WASL: variants seen among roughly 807,000 people sequenced by gnomAD.
WASL encodes WASP like actin nucleation promoting factor, also known as actin nucleation-promoting factor WASL.
WASL carries 20 observed loss-of-function variants against 55.5 expected under a neutral mutation model. The ratio of observed to expected loss-of-function variants is 0.36; its 90% CI spans 0.25 to 0.52. The LOEUF is 0.52. WASL is among the 20% of genes least tolerant of loss of function. The probability of loss-of-function intolerance (pLI) is 0.92; values close to 1 mark genes in which losing one functional copy is unlikely to be tolerated. For synonymous variants in WASL, 249 were observed against 217.6 expected, an observed-to-expected ratio of 1.14 and a Z score of -1.27; for missense variants, 504 against 622.5, an observed-to-expected ratio of 0.81 and a Z score of 2.03.
At chr7:123,699,329 G>T (rs894220094) in intron 5 of WASL, among the ~76,000 whole-genome samples, 1 of 152,124 alleles carries the variant, frequency 6.6e-6, no homozygotes, top group Non-Finnish European at 1.5e-5. Flanking sequence ...AGTGGGCTGA[G>T]ATTGCGCCAC....
chr7:123,719,600 C>A (rs1343169361), intron 1 of WASL, among the ~76,000 whole-genome samples: 1 of 152,184 alleles, frequency 6.6e-6, no homozygotes, highest in East Asian at 1.9e-4. Flanking sequence ...AGACCCTTGG[C>A]TGACAGAAAA....
chr7:123,695,579 C>G (rs1803476943), intron 7 of WASL, among the ~76,000 whole-genome samples: 1 of 152,014 alleles, frequency 6.6e-6, no homozygotes, highest in Admixed American at 6.5e-5. Context: ...TTTCAAAGCA[C>G]AAGGATTTTA....
chr7:123,688,613 C>T (rs901419947), intron 10 of WASL, among the ~76,000 whole-genome samples: 4 of 152,100 alleles, frequency 2.6e-5, no homozygotes, highest in Non-Finnish European at 5.9e-5. Flanking sequence ...CCACCCGCCT[C>T]GGCCTCCCAA....
intron 10 of WASL, 36 bp downstream of exon 10, chr7:123,689,006 G>GTCTCTCTCTCTCTC (rs3035629): frequency 1.7e-6 from 2 of 1,210,494 alleles, no homozygotes; most frequent in African/African-American, 3.2e-5. Context: ...CACTCTCTCT[G>GTCTCTCTCTCTCTC]TCTCTCTCTC....
intron 9 of WASL, among the ~76,000 whole-genome samples, chr7:123,691,515 T>A (rs139162133): frequency 6.6e-5 from 10 of 152,300 alleles, no homozygotes; most frequent in African/African-American, 2.4e-4. Context: ...CAAATATAGT[T>A]TTATAGAACA....
chr7:123,701,945 T>TA (rs11413491), intron 5 of WASL, among the ~76,000 whole-genome samples: 110,589 of 148,674 alleles, frequency 0.74, 41,295 homozygotes, highest in South Asian at 0.82. Context: ...ACAACACTAT[T>TA]AAAAAAAAAA....
At chr7:123,709,724 G>T (rs1443364465) in intron 1 of WASL, among the ~76,000 whole-genome samples, 1 of 152,124 alleles carries the variant, frequency 6.6e-6, no homozygotes, top group African/African-American at 2.4e-5. Context: ...CATTAGTAAT[G>T]GCTGACTTGT....
At chr7:123,717,233 A>G (rs1803860976) in intron 1 of WASL, among the ~76,000 whole-genome samples, 1 of 152,210 alleles carries the variant, frequency 6.6e-6, no homozygotes, top group Non-Finnish European at 1.5e-5. Flanking sequence ...CCAAACAGAC[A>G]TTAAGTTGTT....
intron 4 of WASL, among the ~76,000 whole-genome samples, chr7:123,704,869 G>A (rs570485597): frequency 7.9e-5 from 12 of 152,150 alleles, no homozygotes; most frequent in Non-Finnish European, 1.6e-4. Flanking sequence ...CAACATGAAA[G>A]AACATCATGA....
At chr7:123,686,429 T>C (rs1803290550) in intron 10 of WASL, among the ~76,000 whole-genome samples, 1 of 152,058 alleles carries the variant, frequency 6.6e-6, no homozygotes, top group Admixed American at 6.6e-5. Flanking sequence ...CAGAAACTTA[T>C]CAGTATCTAT....
In WASL at chr7:123,700,175, CAAAAAAAAAAAAAA is replaced by C. The variant is rs1168168286; in HGVS notation, c.461-3442_461-3429del. Reference sequence around the variant, plus strand: ...TGGGCAACAGAGCGAAACTCCGTCTCAAAAAAAAAAAAAAAAAAAAAAAAAAAAAAAACAACATT... The same window carrying C: ...TGGGCAACAGAGCGAAACTCCGTCTCAAAAAAAAAAAAAAAAAACAACATT... On this transcript the variant is annotated intron_variant, in intron 5 of 10. Transcript: ENST00000223023. Among the ~76,000 whole-genome samples, 102 of 47,346 alleles carry C rather than the reference CAAAAAAAAAAAAAA, an allele frequency of 2.2e-3. 1 individual carries two copies. Among genetic ancestry groups the C allele is most frequent in the South Asian group, 5.2e-3 (4 of 764 alleles). The allele number at this position is 47,346 out of a possible 152,430, so 31.1% of individuals were successfully genotyped here.
chr7:123,736,391 T>C (rs2116821679), intron 1 of WASL, among the ~76,000 whole-genome samples: 1 of 152,294 alleles, frequency 6.6e-6, no homozygotes, highest in South Asian at 2.1e-4. Flanking sequence ...AGTGAATAAA[T>C]ATAAGGTTTT....
rs1246385529 is a variant in WASL, at chr7:123,692,513, T to A, written c.1181A>T (p.Asp394Val). 1 of 1,613,702 alleles carries A rather than the reference T, an allele frequency of 6.2e-7. No individual in the cohort carries two copies. Among genetic ancestry groups the A allele is most frequent in the Non-Finnish European group, 8.5e-7 (1 of 1,180,006 alleles). ...GPPPPPGLPS[D>V]GDHQVPTTAG... ...AGTAGTTGGAACCTGATGGTCCCCA[T>A]CAGAAGGCAGGCCAGGCGGGGGCGG... The change falls in exon 9 of 11, where the codon GAT becomes GTT. Residue 394 changes from aspartate to valine, a missense_variant. Asp to Val is a radical substitution (Grantham distance 152). Coordinates refer to ENST00000223023, the MANE Select transcript of WASL (RefSeq NM_003941.4).
In WASL at chr7:123,706,281, T is replaced by C. The variant is rs1215983647; in HGVS notation, c.432A>G (p.Lys144=). ...VTDLLGRRQR[K]SEKRRDPPNG... Reference sequence around the variant, plus strand: ...AAGTAATTAAAAAAGGGTTACCAGATTTCCTTTGTCGACGGCCCAAAAGGT... The same window carrying C: ...AAGTAATTAAAAAAGGGTTACCAGACTTCCTTTGTCGACGGCCCAAAAGGT... Residue 144 remains lysine, a synonymous_variant, in exon 4 of 11, where the codon AAA becomes AAG. Coordinates refer to ENST00000223023, the MANE Select transcript of WASL (RefSeq NM_003941.4). 2 of 1,613,386 alleles carry C rather than the reference T, an allele frequency of 1.2e-6. No individual in the cohort carries two copies. The highest frequency in any genetic ancestry group is 1.1e-5 in the South Asian group (1 of 90,918).
chr7:123,689,811 A>G (rs1041403468), intron 9 of WASL, among the ~76,000 whole-genome samples: 1 of 151,928 alleles, frequency 6.6e-6, no homozygotes, highest in African/African-American at 2.4e-5. Flanking sequence ...TAAAGATGAA[A>G]CAGCATAGCT....
At chr7:123,720,549 A>G (rs540646591) in intron 1 of WASL, among the ~76,000 whole-genome samples, 1 of 152,332 alleles carries the variant, frequency 6.6e-6, no homozygotes, top group Admixed American at 6.5e-5. Context: ...ACAGTTGTTT[A>G]AAGGTTCTGT....
chr7:123,689,032 C>T lies in WASL; in HGVS notation c.1456+10G>A, dbSNP rs201336567. The T allele has an allele frequency of 9.4e-6, 15 of 1,589,892 alleles. No individual in the cohort carries two copies. The African/African-American group carries it at 1.0e-4, about 11-fold the overall frequency. Reference sequence around the variant, plus strand: ...TCTCTCTCTCTCTCTCTCTCTCTCTCTCTCTCTACCTGAAGAATGAATGGC... The same window carrying T: ...TCTCTCTCTCTCTCTCTCTCTCTCTTTCTCTCTACCTGAAGAATGAATGGC... On this transcript the variant is annotated intron_variant, in intron 10 of 10. Coordinates refer to ENST00000223023, the MANE Select transcript of WASL (RefSeq NM_003941.4).
At chr7:123,712,597 T>C (rs375027696) in intron 1 of WASL, among the ~76,000 whole-genome samples, 2 of 152,230 alleles carry the variant, frequency 1.3e-5, no homozygotes, top group South Asian at 4.1e-4. Context: ...TTCTTTGTAC[T>C]GTATCTTTAA....
At chr7:123,729,251 G>A (rs1411745570) in intron 1 of WASL, among the ~76,000 whole-genome samples, 1 of 152,134 alleles carries the variant, frequency 6.6e-6, no homozygotes, top group East Asian at 1.9e-4. Context: ...AAATGAAATA[G>A]TTTACATTTT....
Sources: allele counts gnomAD v4.1 joint callset (sites outside exome capture counted in the v4.1 genomes callset), GRCh38; gene constraint gnomAD v4.1.1; transcripts MANE v1.5; gene names NCBI Gene and HGNC (gene_info 2026-07-23, HGNC 2026-07-21).